FUT8: variants seen among roughly 807,000 people sequenced by gnomAD.
FUT8 encodes alpha-(1,6)-fucosyltransferase.
FUT8 carries 29 observed loss-of-function variants against 71.3 expected under a neutral mutation model. That is an observed-to-expected ratio of 0.41 (90% CI 0.30 to 0.55). The LOEUF (loss-of-function observed/expected upper bound fraction) is 0.55, where lower values mean the gene tolerates loss of function less well. Ranked by LOEUF, FUT8 falls within the 20% of genes least tolerant of loss-of-function variation. The pLI, the probability that FUT8 is intolerant of heterozygous loss-of-function variation, is 0.34. For missense variants in FUT8, 544 were observed against 702.1 expected (o/e 0.77, Z 2.55); for synonymous variants, 254 against 239.3 (o/e 1.06, Z -0.57).
chr14:65,593,927 C>T (rs1396656668), intron 3 of FUT8, among the ~76,000 whole-genome samples: 2 of 152,180 alleles, frequency 1.3e-5, no homozygotes, highest in African/African-American at 4.8e-5. Context: ...TCAGGCTGGT[C>T]TCAAACTCCT....
Position 65,706,256 on chromosome 14 carries a change from T to C in FUT8, c.836-15519T>C, listed in dbSNP as rs1894546110. Among the ~76,000 whole-genome samples the C allele has an allele frequency of 2.0e-5, 3 of 152,188 alleles. No individual in the cohort carries two copies. The South Asian group carries it at 6.2e-4, about 31-fold the overall frequency. On this transcript the variant is annotated intron_variant, in intron 7 of 10. Transcript: ENST00000673929. ...ACACAACTGGTAAGTGATAGAGGAT[T>C]TGGACACCAGTTTTTGTGATTCCAA...
At chr14:65,496,302 A>G (rs555460663) in intron 2 of FUT8, among the ~76,000 whole-genome samples, 3 of 152,212 alleles carry the variant, frequency 2.0e-5, no homozygotes, top group Non-Finnish European at 4.4e-5. Context: ...GCTGTGAAAC[A>G]TTAAACATTT....
rs1891968791 is a variant in FUT8 at position 65,661,609 on chromosome 14, G to T, written c.598-7634G>T. 2.0e-5 allele frequency among the ~76,000 whole-genome samples: 3 copies of T among 152,130 alleles called. No homozygotes were observed. In the South Asian group the frequency reaches 6.2e-4, roughly 32 times the overall value. ...ACTCTGAAGTTGCTTTTATTGGTGT[G>T]TAGGAAAAATCTTTATTAAAAGTCA... On this transcript the variant is annotated intron_variant, in intron 6 of 10. Transcript: ENST00000673929.
chr14:65,375,166 G>A, the FUT8 span, among the ~76,000 whole-genome samples: 26 of 152,116 alleles, frequency 1.7e-4, no homozygotes, highest in Non-Finnish European at 3.4e-4. Context: ...CACCCTTTAA[G>A]ATGAGCCCAG....
At chr14:65,712,705 A>C (rs1894865755) in intron 7 of FUT8, among the ~76,000 whole-genome samples, 1 of 152,186 alleles carries the variant, frequency 6.6e-6, no homozygotes, top group Non-Finnish European at 1.5e-5. Flanking sequence ...TCAGTCTCCC[A>C]AAGTGCTGGG....
chr14:65,547,875 C>CGA (rs902481532), intron 2 of FUT8, among the ~76,000 whole-genome samples: 1 of 151,854 alleles, frequency 6.6e-6, no homozygotes, highest in Non-Finnish European at 1.5e-5. Context: ...GTGAAATACT[C>CGA]TAAACTACAG....
At chr14:65,451,478 T>G (rs566518808) in intron 1 of FUT8, among the ~76,000 whole-genome samples, 123 of 152,362 alleles carry the variant, frequency 8.1e-4, no homozygotes, top group South Asian at 1.9e-3. Context: ...GTGGACAGCT[T>G]AAGTGCTAAC....
intron 2 of FUT8, among the ~76,000 whole-genome samples, chr14:65,516,727 T>C (rs960933392): frequency 1.3e-5 from 2 of 152,016 alleles, no homozygotes; most frequent in African/African-American, 4.8e-5. Flanking sequence ...ATCCCCCCTT[T>C]TTGTTATGGT....
chr14:65,540,229 C>T (rs1005961586), intron 2 of FUT8, among the ~76,000 whole-genome samples: 1 of 152,144 alleles, frequency 6.6e-6, no homozygotes, highest in Non-Finnish European at 1.5e-5. Context: ...TTCATTTCCC[C>T]TTTCCTCTAT....
intron 6 of FUT8, among the ~76,000 whole-genome samples, chr14:65,664,516 G>T (rs1892116037): frequency 1.3e-5 from 2 of 152,072 alleles, no homozygotes; most frequent in Admixed American, 1.3e-4. Flanking sequence ...ATTCAAAAAG[G>T]CTCTTAACTC....
At chr14:65,697,932 G>A (rs952484128) in intron 7 of FUT8, among the ~76,000 whole-genome samples, 5 of 151,426 alleles carry the variant, frequency 3.3e-5, no homozygotes, top group African/African-American at 9.7e-5. Context: ...CTGAGATCAC[G>A]CCATTCTGAG....
chr14:65,570,726 G>T (rs1000233532), intron 3 of FUT8, among the ~76,000 whole-genome samples: 1 of 152,008 alleles, frequency 6.6e-6, no homozygotes, highest in Non-Finnish European at 1.5e-5. Flanking sequence ...GAGTTTAAGT[G>T]GATTCAAAGT....
chr14:65,544,474 A>G (rs1280756526), intron 2 of FUT8, among the ~76,000 whole-genome samples: 1 of 152,118 alleles, frequency 6.6e-6, no homozygotes, highest in Non-Finnish European at 1.5e-5. Flanking sequence ...ATTGGAGAAA[A>G]TGGTGATATA....
At chr14:65,394,090 G>A in the FUT8 span, among the ~76,000 whole-genome samples, 1 of 152,164 alleles carries the variant, frequency 6.6e-6, no homozygotes, top group Non-Finnish European at 1.5e-5. Flanking sequence ...CCACGTAGCT[G>A]GGATTACACG....
At chr14:65,644,712 GA>G (rs1891041074) in intron 6 of FUT8, among the ~76,000 whole-genome samples, 1 of 152,064 alleles carries the variant, frequency 6.6e-6, no homozygotes, top group African/African-American at 2.4e-5. Context: ...ATTCCTAGGG[GA>G]AATACAGAGT....
At chr14:65,572,423 C>T (rs192125163) in intron 3 of FUT8, among the ~76,000 whole-genome samples, 1 of 152,258 alleles carries the variant, frequency 6.6e-6, no homozygotes, top group East Asian at 1.9e-4. Context: ...CAGAGAAGTA[C>T]AGTTAAATAG....
At chr14:65,617,057 C>T (rs1378826192) in intron 5 of FUT8, 21 of 1,577,670 alleles carry the variant, frequency 1.3e-5, no homozygotes, top group Non-Finnish European at 1.8e-5. Context: ...TGTCTTTAGG[C>T]CTGTTATATT....
intron 2 of FUT8, among the ~76,000 whole-genome samples, chr14:65,512,617 T>A (rs1882422524): frequency 6.6e-6 from 1 of 152,088 alleles, no homozygotes; most frequent in Non-Finnish European, 1.5e-5. Context: ...TTGTTTGAAA[T>A]TGTGATATTT....
intron 10 of FUT8, among the ~76,000 whole-genome samples, chr14:65,738,707 G>A (rs1896347398): frequency 6.6e-6 from 1 of 152,058 alleles, no homozygotes; most frequent in African/African-American, 2.4e-5. Flanking sequence ...GGAAAGAAGA[G>A]AGGAAGCATA....
Sources: allele counts gnomAD v4.1 joint callset (sites outside exome capture counted in the v4.1 genomes callset), GRCh38; gene constraint gnomAD v4.1.1; transcripts MANE v1.5; gene names NCBI Gene and HGNC (gene_info 2026-07-23, HGNC 2026-07-21).